Variants in KALRN observed in about 807,000 individuals in gnomAD.
KALRN encodes kalirin RhoGEF kinase.
Under a neutral mutation model 353.7 loss-of-function variants are expected in KALRN, and 70 were observed. The observed-to-expected ratio is 0.20, with a 90% CI of 0.16 to 0.24. The LOEUF (loss-of-function observed/expected upper bound fraction) is 0.24. Ranked by LOEUF, KALRN falls within the 10% of genes least tolerant of loss-of-function variation. The probability of loss-of-function intolerance (pLI) is 1.00; values close to 1 mark genes in which losing one functional copy is unlikely to be tolerated. For missense variants in KALRN, 2,791 were observed against 3,756.7 expected, an observed-to-expected ratio of 0.74 and a Z score of 6.72; for synonymous variants, 1,391 against 1,434.8, an observed-to-expected ratio of 0.97 and a Z score of 0.69.
At chr3:124,082,577 C>T (rs930717670) in intron 1 of KALRN, among the ~76,000 whole-genome samples, 1 of 152,168 alleles carries the variant, frequency 6.6e-6, no homozygotes. Context: ...GTGAATTGTG[C>T]CCCTTTTGCA....
intron 14 of KALRN, among the ~76,000 whole-genome samples, chr3:124,416,944 G>A (rs935513515): frequency 1.3e-5 from 2 of 152,172 alleles, no homozygotes; most frequent in African/African-American, 4.8e-5. Flanking sequence ...ATGGAACTAG[G>A]GAATTTTTAT....
intron 30 of KALRN, 101 bp downstream of exon 30, chr3:124,490,985 C>A: frequency 9.7e-7 from 1 of 1,032,142 alleles, no homozygotes. Flanking sequence ...CCCCGGCCTC[C>A]ACACCAAAAC....
At chr3:124,113,000 A>T (rs996337578) in intron 1 of KALRN, among the ~76,000 whole-genome samples, 2 of 151,850 alleles carry the variant, frequency 1.3e-5, no homozygotes, top group Admixed American at 6.6e-5. Flanking sequence ...TATGTACCAG[A>T]CTCCTTTAAA....
chr3:124,677,399 C>T (rs2087307575), intron 49 of KALRN: 2 of 334,710 alleles, frequency 6.0e-6, no homozygotes, highest in African/African-American at 2.2e-5. Flanking sequence ...GAAGAAGTTG[C>T]TCCCAAGACC....
chr3:124,418,388 T>C (rs1254530101), intron 14 of KALRN, among the ~76,000 whole-genome samples: 1 of 152,070 alleles, frequency 6.6e-6, no homozygotes, highest in Admixed American at 6.5e-5. Flanking sequence ...CCCAGGTGAT[T>C]TTAAGGTACA....
At chr3:124,466,083 ATCTG>A (rs2060322191) in intron 25 of KALRN, among the ~76,000 whole-genome samples, 1 of 141,234 alleles carries the variant, frequency 7.1e-6, no homozygotes, top group Non-Finnish European at 1.5e-5. Flanking sequence ...TGTGTCTGTG[ATCTG>A]TCTGTCTCAA....
intron 29 of KALRN, 121 bp from the exon 30 acceptor site, chr3:124,490,573 A>C (rs1436695833): frequency 1.2e-6 from 1 of 840,164 alleles, no homozygotes; most frequent in Non-Finnish European, 1.8e-6. Context: ...AGAGAGAAAA[A>C]AACCCTTCAG....
intron 10 of KALRN, among the ~76,000 whole-genome samples, chr3:124,378,904 T>A (rs367633873): frequency 1.3e-5 from 2 of 151,932 alleles, no homozygotes; most frequent in East Asian, 3.8e-4. Flanking sequence ...GTAGTTTTCT[T>A]TGTGTTTCTT....
Position 124,413,488 on chromosome 3 carries a change from G to T in KALRN, c.2365G>T (p.Ala789Ser), listed in dbSNP as rs755363438. The change falls in exon 14 of 60, where the codon GCC becomes TCC. Residue 789 changes from alanine to serine, a missense_variant. Physicochemically the swap from Ala to Ser is moderately conservative, Grantham distance 99. Coordinates refer to ENST00000682506, the MANE Select transcript of KALRN (RefSeq NM_001388419.1). ...CTCACAGGTGACAGCAGAGCTAGAC[G>T]CCTGGAATGAAGACTTGCTTCGGCA... ...YTIEVTAELD[A>S]WNEDLLRQMN... The T allele has an allele frequency of 6.2e-7, 1 of 1,613,926 alleles. No individual in the cohort carries two copies. The highest frequency in any genetic ancestry group is 1.3e-5 in the African/African-American group (1 of 74,926).
chr3:124,636,648 G>A (rs2081379769), intron 36 of KALRN, among the ~76,000 whole-genome samples: 1 of 152,168 alleles, frequency 6.6e-6, no homozygotes. Context: ...AAGACAGAGG[G>A]AGAGAATATA....
In KALRN at chr3:124,413,519, A is replaced by G; in HGVS notation, c.2396A>G (p.Asn799Ser). The change falls in exon 14 of 60, where the codon AAT (asparagine) becomes AGT (serine). Residue 799 changes from asparagine (N) to serine (S), a missense_variant. By Grantham distance (46) the Asn-to-Ser change is conservative. This residue lies in a region of KALRN where 452 missense variants were observed against 575.8 expected (regional missense o/e 0.78). Coordinates refer to ENST00000682506, the MANE Select transcript of KALRN (RefSeq NM_001388419.1). ...AWNEDLLRQM[N>S]DFNTEDLTLA... The stretch of plus-strand genomic sequence containing the variant: ...AATGAAGACTTGCTTCGGCAGATGA[A>G]TGACTTCAACACAGAGGACCTAACC... 6.2e-7 allele frequency: 1 copy of G among 1,614,166 alleles called. No individual in the cohort carries two copies. The highest frequency in any genetic ancestry group is 1.7e-5 in the Admixed American group (1 of 60,022).
At chr3:124,515,993 A>G (rs533860379) in intron 33 of KALRN, among the ~76,000 whole-genome samples, 39 of 152,152 alleles carry the variant, frequency 2.6e-4, no homozygotes, top group Non-Finnish European at 4.4e-4. Flanking sequence ...CCTATTTCCT[A>G]TTTCTCACAC....
intron 37 of KALRN, among the ~76,000 whole-genome samples, chr3:124,639,866 G>A (rs61521797): frequency 0.037 from 5,624 of 152,236 alleles, 534 homozygotes; most frequent in East Asian, 0.34. Context: ...GTCACAGAAA[G>A]GAAAGAGGAA....
At chr3:124,348,695 C>G (rs992066401) in intron 10 of KALRN, among the ~76,000 whole-genome samples, 1 of 152,128 alleles carries the variant, frequency 6.6e-6, no homozygotes, top group Admixed American at 6.5e-5. Flanking sequence ...CAGGCTGTCT[C>G]CCTAACATAA....
chr3:124,637,329 CTGTG>C, intron 37 of KALRN, 26 bp downstream of exon 37: 1 of 1,513,684 alleles, frequency 6.6e-7, no homozygotes, highest in Non-Finnish European at 9.2e-7. Context: ...GGAGGCAGTT[CTGTG>C]TGTGTCTCAC....
rs774125278 is a variant in KALRN, at chr3:124,334,363, A to G, written c.1515A>G (p.Ala505=). 7.4e-6 allele frequency: 12 copies of G among 1,614,100 alleles called. No homozygotes were observed. The African/African-American group carries it at 1.6e-4, about 22-fold the overall frequency. ...SLTATANYSK[A]VHQVLDVVHE... Reference sequence around the variant, plus strand: ...CGGCCACAGCCAACTACTCCAAGGCAGTGCACCAGGTGCTGGACGTGGTGC... The same window carrying G: ...CGGCCACAGCCAACTACTCCAAGGCGGTGCACCAGGTGCTGGACGTGGTGC... Residue 505 remains alanine (A), a synonymous_variant, in exon 9 of 60, where the codon GCA becomes GCG. Transcript: ENST00000682506. This position sits in a 1 kb window ranked among gnomAD's most constrained non-coding sequence, Gnocchi z 4.2.
At chr3:124,480,801 T>C (rs921889269) in intron 27 of KALRN, among the ~76,000 whole-genome samples, 9 of 152,378 alleles carry the variant, frequency 5.9e-5, no homozygotes, top group Admixed American at 2.0e-4. Context: ...AATTGAGTCA[T>C]AATACATGGT....
intron 1 of KALRN, among the ~76,000 whole-genome samples, chr3:124,156,527 G>C (rs1049652979): frequency 1.3e-5 from 2 of 152,144 alleles, no homozygotes; most frequent in Non-Finnish European, 2.9e-5. Flanking sequence ...TCTGTCTGCT[G>C]TGTATTATGC....
At chr3:124,039,469 C>T (rs1425783015) in intron 1 of KALRN, among the ~76,000 whole-genome samples, 1 of 152,194 alleles carries the variant, frequency 6.6e-6, no homozygotes, top group Non-Finnish European at 1.5e-5. Context: ...TCAAAAAACA[C>T]CCCCTCACAA....
Sources: allele counts gnomAD v4.1 joint callset (sites outside exome capture counted in the v4.1 genomes callset), GRCh38; gene constraint gnomAD v4.1.1; regional missense constraint gnomAD v4.1.1; non-coding constraint Gnocchi (gnomAD v3.1); transcripts MANE v1.5; gene names NCBI Gene and HGNC (gene_info 2026-07-23, HGNC 2026-07-21).